RASSF3: variants seen among roughly 807,000 people sequenced by gnomAD.
The protein encoded by RASSF3 is ras association domain-containing protein 3.
In RASSF3, 19 loss-of-function variants were observed where a neutral mutation model predicts 19.9. The ratio of observed to expected loss-of-function variants is 0.96; its 90% CI spans 0.67 to 1.40. RASSF3 has a LOEUF of 1.40. Among genes scored for constraint, RASSF3 ranks in the 40% most tolerant of loss-of-function variants. The pLI, the probability that RASSF3 is intolerant of heterozygous loss-of-function variation, is 0.00. For missense variants in RASSF3, 306 were observed against 289.8 expected (o/e 1.06, Z -0.41); for synonymous variants, 110 against 104.2 (o/e 1.06, Z -0.34).
chr12:64,509,637 A>G (rs994017539), intron 1 of RASSF3, among the ~76,000 whole-genome samples: 1 of 152,192 alleles, frequency 6.6e-6, no homozygotes, highest in Non-Finnish European at 1.5e-5. Flanking sequence ...CCCTCACTGA[A>G]TATTTTACTT....
intron 2 of RASSF3, among the ~76,000 whole-genome samples, chr12:64,597,969 G>A (rs2136143770): frequency 6.6e-6 from 1 of 152,254 alleles, no homozygotes; most frequent in Middle Eastern, 3.4e-3. Context: ...CCAGGCTGGA[G>A]TGCAGTGGTG....
chr12:64,574,297 C>A (rs951739942), intron 2 of RASSF3, among the ~76,000 whole-genome samples: 2 of 145,734 alleles, frequency 1.4e-5, no homozygotes, highest in Non-Finnish European at 3.0e-5. Context: ...GGCGACAGAG[C>A]GAGACTCTGT....
intron 2 of RASSF3, among the ~76,000 whole-genome samples, chr12:64,551,787 C>T (rs73317519): frequency 9.9e-5 from 15 of 152,230 alleles, no homozygotes; most frequent in Admixed American, 4.6e-4. Flanking sequence ...GGTTTGTAAG[C>T]GTGTTTGTGG....
chr12:64,617,436 G>A (rs961681862), intron 1 of RASSF3, among the ~76,000 whole-genome samples: 2 of 152,162 alleles, frequency 1.3e-5, no homozygotes, highest in Non-Finnish European at 2.9e-5. Context: ...TTACCCAATA[G>A]GCAAATGAAA....
intron 1 of RASSF3, among the ~76,000 whole-genome samples, chr12:64,536,866 C>G (rs147891860): frequency 1.5e-3 from 221 of 152,276 alleles, no homozygotes; most frequent in African/African-American, 5.2e-3. Flanking sequence ...AGATCCAGTC[C>G]TATTACTCCA....
chr12:64,663,303 A>G (rs990356444), intron 1 of RASSF3, among the ~76,000 whole-genome samples: 2 of 152,126 alleles, frequency 1.3e-5, no homozygotes, highest in Non-Finnish European at 2.9e-5. Context: ...TTCTCAAAGC[A>G]TGGTCAGATT....
chr12:64,561,602 C>A (rs182546988), intron 2 of RASSF3, among the ~76,000 whole-genome samples: 1 of 152,150 alleles, frequency 6.6e-6, no homozygotes, highest in African/African-American at 2.4e-5. Context: ...CCAAACAAGA[C>A]CCCTGTATAA....
At chr12:64,655,798 G>A (rs764140245) in intron 1 of RASSF3, among the ~76,000 whole-genome samples, 2 of 152,062 alleles carry the variant, frequency 1.3e-5, no homozygotes, top group South Asian at 4.2e-4. Context: ...AGGCCGAGGC[G>A]GGCGGATCAC....
chr12:64,690,267 C>T (rs145468088), intron 3 of RASSF3, among the ~76,000 whole-genome samples: 9 of 152,030 alleles, frequency 5.9e-5, no homozygotes, highest in Middle Eastern at 3.4e-3. Flanking sequence ...CTGCAACCTC[C>T]GCCTCCTGGG....
chr12:64,558,301 A>C (rs958772218), intron 2 of RASSF3, among the ~76,000 whole-genome samples: 16 of 152,170 alleles, frequency 1.1e-4, no homozygotes, highest in East Asian at 1.9e-4. Context: ...GCTGATGATG[A>C]AGATTAGCTA....
At chr12:64,576,564 C>G (rs748749040) in intron 2 of RASSF3, among the ~76,000 whole-genome samples, 11 of 152,072 alleles carry the variant, frequency 7.2e-5, no homozygotes, top group Non-Finnish European at 1.5e-4. Context: ...CAAACTACAG[C>G]CCTCAGGTCA....
intron 1 of RASSF3, among the ~76,000 whole-genome samples, chr12:64,641,414 A>G (rs540915768): frequency 3.4e-4 from 49 of 142,192 alleles, no homozygotes; most frequent in South Asian, 6.6e-4. Flanking sequence ...ACACACACAC[A>G]CGCGCGCGCG....
upstream of RASSF3, among the ~76,000 whole-genome samples, chr12:64,531,599 G>A (rs1868710337): frequency 6.6e-6 from 1 of 152,028 alleles, no homozygotes; most frequent in African/African-American, 2.4e-5. Context: ...ACTTTGAATT[G>A]TATTCCATAA....
intron 1 of RASSF3, among the ~76,000 whole-genome samples, chr12:64,649,678 C>T (rs867063565): frequency 6.6e-6 from 1 of 152,156 alleles, no homozygotes; most frequent in Non-Finnish European, 1.5e-5. Context: ...TCAAATGTCT[C>T]GAAAAGATCT....
rs906696513 is a variant in RASSF3 at position 64,533,918 on chromosome 12, G to A, written c.67+584G>A. On this transcript the variant is annotated intron_variant, in intron 1 of 1. Coordinates refer to the RASSF3 transcript ENST00000636333. ...GGGGCTTCCTGCGGCTTCGGGAAAT[G>A]GGTAGATCTTTATTATTAACAAAAT... 2.6e-5 allele frequency among the ~76,000 whole-genome samples: 4 copies of A among 152,148 alleles called. No homozygotes were observed. In the East Asian group the frequency reaches 7.7e-4, roughly 29 times the overall value.
At chr12:64,562,277 G>C (rs538796898) in intron 2 of RASSF3, among the ~76,000 whole-genome samples, 59 of 152,192 alleles carry the variant, frequency 3.9e-4, no homozygotes, top group African/African-American at 1.3e-3. Flanking sequence ...CTGACCTCAA[G>C]TTATCCGCCC....
intron 2 of RASSF3, among the ~76,000 whole-genome samples, chr12:64,574,243 G>A (rs1363000091): frequency 6.6e-6 from 1 of 151,486 alleles, no homozygotes; most frequent in Non-Finnish European, 1.5e-5. Context: ...CCTGGGAGAC[G>A]GAGGTTGCAG....
intron 1 of RASSF3, among the ~76,000 whole-genome samples, chr12:64,511,113 G>A (rs966214927): frequency 6.6e-6 from 1 of 152,248 alleles, no homozygotes. Flanking sequence ...TGGCAGCAGA[G>A]TTGCTGAAGA....
At chr12:64,687,873 G>T (rs750858254) in intron 2 of RASSF3, among the ~76,000 whole-genome samples, 1 of 152,096 alleles carries the variant, frequency 6.6e-6, no homozygotes, top group African/African-American at 2.4e-5. Flanking sequence ...TTGTGGTTTG[G>T]CTAGCATCTG....
Sources: allele counts gnomAD v4.1 joint callset (sites outside exome capture counted in the v4.1 genomes callset), GRCh38; gene constraint gnomAD v4.1.1; transcripts MANE v1.5; gene names NCBI Gene and HGNC (gene_info 2026-07-23, HGNC 2026-07-21).